Variants in TMEM131 observed in about 807,000 individuals in gnomAD.
The protein encoded by TMEM131 is 2610524E03Rik.
TMEM131 carries 66 observed loss-of-function variants against 211.6 expected under a neutral mutation model. The observed-to-expected ratio is 0.31, with a 90% CI of 0.26 to 0.38. The LOEUF (loss-of-function observed/expected upper bound fraction) is 0.38. Ranked by LOEUF, TMEM131 falls within the 10% of genes least tolerant of loss-of-function variation. TMEM131 has a pLI of 1.00. For synonymous variants in TMEM131, 844 were observed against 841.3 expected (o/e 1.00, Z -0.06); for missense variants, 2,036 against 2,299.3 (o/e 0.89, Z 2.34).
intron 3 of TMEM131, among the ~76,000 whole-genome samples, chr2:97,908,113 A>C (rs150272640): frequency 8.1e-4 from 124 of 152,308 alleles, no homozygotes; most frequent in African/African-American, 2.9e-3. Context: ...GAAGGTATCA[A>C]AAGACCAAAT....
intron 5 of TMEM131, among the ~76,000 whole-genome samples, chr2:97,853,877 G>C (rs1454904532): frequency 6.6e-6 from 1 of 152,134 alleles, no homozygotes; most frequent in African/African-American, 2.4e-5. Context: ...AAAAAAAGTG[G>C]TTTCGTGAGA....
intron 2 of TMEM131, among the ~76,000 whole-genome samples, chr2:97,923,390 A>C (rs1272103275): frequency 6.6e-6 from 1 of 152,178 alleles, no homozygotes; most frequent in Non-Finnish European, 1.5e-5. Flanking sequence ...TGGGAGGCTG[A>C]GATGGGAGGA....
chr2:97,874,856 A>T (rs1452756628), intron 4 of TMEM131, among the ~76,000 whole-genome samples: 1 of 152,236 alleles, frequency 6.6e-6, no homozygotes, highest in Non-Finnish European at 1.5e-5. Context: ...ACAGGATCAA[A>T]TTTACACATA....
chr2:97,790,840 A>G (rs1205572301), intron 31 of TMEM131, among the ~76,000 whole-genome samples: 1 of 152,236 alleles, frequency 6.6e-6, no homozygotes, highest in African/African-American at 2.4e-5. Context: ...TTAACCAATC[A>G]TATTCAAGAC....
intron 22 of TMEM131, among the ~76,000 whole-genome samples, chr2:97,803,243 A>G (rs1225070039): frequency 6.6e-6 from 1 of 152,228 alleles, no homozygotes; most frequent in African/African-American, 2.4e-5. Flanking sequence ...GCAGGGTGCT[A>G]AAAACATTTT....
intron 11 of TMEM131, among the ~76,000 whole-genome samples, chr2:97,825,888 G>C (rs987442071): frequency 6.6e-6 from 1 of 152,214 alleles, no homozygotes; most frequent in African/African-American, 2.4e-5. Context: ...GATGTAAATG[G>C]CATAGTAGGT....
chr2:97,809,292 T>C (rs936935986), intron 19 of TMEM131, among the ~76,000 whole-genome samples: 7 of 152,218 alleles, frequency 4.6e-5, no homozygotes. Context: ...CTTTACTGCC[T>C]CTGCATCCCT....
chr2:97,898,528 T>C (rs1413985010), intron 3 of TMEM131, among the ~76,000 whole-genome samples: 3 of 152,118 alleles, frequency 2.0e-5, no homozygotes, highest in African/African-American at 7.2e-5. Context: ...AAAGCCCCCA[T>C]GCACACATGT....
chr2:97,895,859 A>G (rs528309334), intron 3 of TMEM131, among the ~76,000 whole-genome samples: 34 of 151,948 alleles, frequency 2.2e-4, no homozygotes, highest in Admixed American at 2.0e-3. Context: ...TTGTGTCTCT[A>G]TCTCCTTCAG....
intron 12 of TMEM131, 132 bp from the exon 13 acceptor site, chr2:97,815,439 A>G: frequency 1.9e-6 from 1 of 523,340 alleles, no homozygotes; most frequent in Non-Finnish European, 3.3e-6. Context: ...AACACTTTTT[A>G]TAACATTTTA....
intron 18 of TMEM131, among the ~76,000 whole-genome samples, chr2:97,810,436 AT>A (rs1240803925): frequency 6.6e-6 from 1 of 152,206 alleles, no homozygotes; most frequent in Non-Finnish European, 1.5e-5. Flanking sequence ...TAAATGGCCA[AT>A]TCTGTTTATT....
intron 25 of TMEM131, among the ~76,000 whole-genome samples, chr2:97,798,879 T>G (rs58415781): frequency 0.075 from 11,459 of 152,300 alleles, 526 homozygotes; most frequent in Middle Eastern, 0.12. Flanking sequence ...CTACTCTGAT[T>G]AACTGATGGA....
At chr2:97,991,539 G>T (rs577456618) in intron 1 of TMEM131, among the ~76,000 whole-genome samples, 1 of 152,272 alleles carries the variant, frequency 6.6e-6, no homozygotes, top group South Asian at 2.1e-4. Context: ...TTCTGCCCTG[G>T]ACACATGCAG....
chr2:97,874,429 C>G (rs1674610281), intron 4 of TMEM131, among the ~76,000 whole-genome samples: 1 of 152,182 alleles, frequency 6.6e-6, no homozygotes, highest in Non-Finnish European at 1.5e-5. Context: ...TCGTCAGATT[C>G]ACCAAGGTTG....
At chr2:97,944,995 A>T (rs1677965993) in intron 1 of TMEM131, among the ~76,000 whole-genome samples, 1 of 152,212 alleles carries the variant, frequency 6.6e-6, no homozygotes, top group Non-Finnish European at 1.5e-5. Context: ...TTGTGCAAAC[A>T]AAAACTTATA....
At chr2:97,849,368 A>T (rs1683589891) in intron 5 of TMEM131, among the ~76,000 whole-genome samples, 1 of 152,206 alleles carries the variant, frequency 6.6e-6, no homozygotes, top group Admixed American at 6.5e-5. Context: ...CCAATGAAAT[A>T]CTATTCCATA....
At chr2:97,909,767 T>C (rs1676219065) in intron 2 of TMEM131, among the ~76,000 whole-genome samples, 1 of 152,180 alleles carries the variant, frequency 6.6e-6, no homozygotes, top group Non-Finnish European at 1.5e-5. Flanking sequence ...GTCCTTAATT[T>C]TCTTTGAGAT....
chr2:97,805,237 T>C (rs747195808), intron 21 of TMEM131, 32 bp from the exon 22 acceptor site: 9 of 1,589,382 alleles, frequency 5.7e-6, no homozygotes, highest in Non-Finnish European at 4.3e-6. Flanking sequence ...AACCTGCATC[T>C]ATACTCACTT....
At chr2:97,906,451 C>T (rs1254386631) in intron 3 of TMEM131, among the ~76,000 whole-genome samples, 2 of 152,144 alleles carry the variant, frequency 1.3e-5, no homozygotes, top group African/African-American at 4.8e-5. Context: ...GCTCTTTCTC[C>T]CCACCCTTAT....
Sources: gnomAD v4.1 joint callset for allele counts (sites outside exome capture counted in the v4.1 genomes callset) on GRCh38, gnomAD v4.1.1 for gene constraint, MANE v1.5 for transcripts, NCBI Gene and HGNC (gene_info 2026-07-23, HGNC 2026-07-21) for gene names.